Variants in CPED1 observed in about 807,000 individuals in gnomAD.
CPED1 encodes cadherin like and PC-esterase domain containing 1, also known as cadherin-like and PC-esterase domain-containing protein 1.
In CPED1, 114 loss-of-function variants were observed where a neutral mutation model predicts 128.2. The ratio of observed to expected loss-of-function variants is 0.89; its 90% CI spans 0.76 to 1.04. The LOEUF is 1.04. CPED1 is among the 50% of genes least tolerant of loss of function. The pLI is 0.00. For synonymous variants in CPED1, 462 were observed against 426.7 expected (o/e 1.08, Z -1.02); for missense variants, 1,211 against 1,207.1 (o/e 1.00, Z -0.05).
Position 121,103,853 on chromosome 7 carries a change from T to A in CPED1, c.918+3759T>A, listed in dbSNP as rs562223627. On this transcript the variant is annotated intron_variant, in intron 7 of 22. Coordinates refer to ENST00000310396, the MANE Select transcript of CPED1 (RefSeq NM_024913.5). ...AAGAAGGTATGAAGGCAATAACAGA[T>A]ATAACTATGAGCTCATTTATTTCCA... is the stretch of plus-strand genomic sequence containing the variant. Among the ~76,000 whole-genome samples, 5 of 152,214 alleles carry A rather than the reference T, an allele frequency of 3.3e-5. No homozygotes were observed. In the East Asian group the frequency reaches 9.6e-4, roughly 29 times the overall value.
intron 18 of CPED1, among the ~76,000 whole-genome samples, chr7:121,250,633 G>A (rs550260846): frequency 6.6e-6 from 1 of 152,258 alleles, no homozygotes; most frequent in South Asian, 2.1e-4. Flanking sequence ...TGACAAACGG[G>A]ATATCACCAT....
intron 16 of CPED1, among the ~76,000 whole-genome samples, chr7:121,147,237 T>TTTCTG (rs1288992101): frequency 1.3e-5 from 2 of 152,150 alleles, no homozygotes; most frequent in Non-Finnish European, 2.9e-5. Flanking sequence ...TTTTAAATCA[T>TTTCTG]TTCTGTAGAC....
At chr7:121,034,155 A>T (rs1481305040) in intron 3 of CPED1, among the ~76,000 whole-genome samples, 1 of 152,184 alleles carries the variant, frequency 6.6e-6, no homozygotes, top group Non-Finnish European at 1.5e-5. Flanking sequence ...CTCAAGTAAT[A>T]CAAGTAATAA....
At chr7:121,017,256 TG>T (rs922901366) in intron 3 of CPED1, among the ~76,000 whole-genome samples, 1 of 152,138 alleles carries the variant, frequency 6.6e-6, no homozygotes, top group Non-Finnish European at 1.5e-5. Flanking sequence ...ACTGAGCTTC[TG>T]GGAGCAAATG....
rs2116595945 is a variant in CPED1, at chr7:121,211,782, C to T, written c.2056-24932C>T. On this transcript the variant is annotated intron_variant, in intron 16 of 22. Coordinates refer to ENST00000310396, the MANE Select transcript of CPED1 (RefSeq NM_024913.5). Reference sequence around the variant, plus strand: ...GAAATATGTGATCTATAAGAACAGACTTGCCAGACTTGGCCTTGAATAAAA... The same window carrying T: ...GAAATATGTGATCTATAAGAACAGATTTGCCAGACTTGGCCTTGAATAAAA... Among the ~76,000 whole-genome samples the T allele has an allele frequency of 2.0e-5, 3 of 152,104 alleles. No homozygotes were observed. The Middle Eastern group carries it at 0.01, about 517-fold the overall frequency.
rs532453084 is a variant in CPED1 at position 121,214,186 on chromosome 7, G to A, written c.2056-22528G>A. Among the ~76,000 whole-genome samples, 7 of 152,174 alleles carry A rather than the reference G, an allele frequency of 4.6e-5. No homozygotes were observed. In the East Asian group the frequency reaches 7.8e-4, roughly 17 times the overall value. On this transcript the variant is annotated intron_variant, in intron 16 of 22. Coordinates refer to ENST00000310396, the MANE Select transcript of CPED1 (RefSeq NM_024913.5). ...GTATTTCTCTTGCCAACATGATGAG[G>A]ATAGTGTTTGCTGGGTTTCTCCACT...
Position 121,142,024 on chromosome 7 carries a change from T to A in CPED1, c.1938T>A (p.Val646=), listed in dbSNP as rs138199492. 2.3e-3 allele frequency: 3,657 copies of A among 1,612,774 alleles called. 12 individuals are homozygous for A. Among genetic ancestry groups the A allele is most frequent in the Admixed American group, 5.3e-3 (316 of 59,878 alleles). ...GAATGAACAAAATCTCAATATTTGTTGTGGATGAATCTCCAGCACACGGTG... is the reference window on the plus strand; with the variant it reads ...GAATGAACAAAATCTCAATATTTGTAGTGGATGAATCTCCAGCACACGGTG... ...GLGMNKISIF[V]VDESPAHGET... is the part of the protein sequence containing the mutation. Residue 646 remains valine, a synonymous_variant, in exon 16 of 23, where the codon GTT becomes GTA. Coordinates refer to ENST00000310396, the MANE Select transcript of CPED1 (RefSeq NM_024913.5).
chr7:121,210,340 A>G (rs1797615112), intron 16 of CPED1, among the ~76,000 whole-genome samples: 1 of 152,010 alleles, frequency 6.6e-6, no homozygotes, highest in South Asian at 2.1e-4. Flanking sequence ...ATTAGCATAT[A>G]GAAGAGATAG....
intron 16 of CPED1, among the ~76,000 whole-genome samples, chr7:121,159,140 G>A (rs1796355822): frequency 6.6e-6 from 1 of 152,124 alleles, no homozygotes; most frequent in Non-Finnish European, 1.5e-5. Context: ...TGCCCCTAGT[G>A]AGTATGTTGA....
chr7:121,047,028 G>C, intron 4 of CPED1, 35 bp downstream of exon 4: 1 of 1,329,014 alleles, frequency 7.5e-7, no homozygotes. Flanking sequence ...GATTTTATCA[G>C]CCCTACAGAT....
intron 16 of CPED1, among the ~76,000 whole-genome samples, chr7:121,225,828 C>T (rs1797994669): frequency 6.6e-6 from 1 of 152,104 alleles, no homozygotes; most frequent in Non-Finnish European, 1.5e-5. Context: ...TCAGCTCCAT[C>T]AGGTCATTTA....
intron 16 of CPED1, among the ~76,000 whole-genome samples, chr7:121,215,081 G>A (rs555686260): frequency 1.2e-4 from 19 of 152,038 alleles, no homozygotes; most frequent in African/African-American, 3.9e-4. Context: ...GTAGACTGCC[G>A]GGCCCTTTCT....
At chr7:121,098,180 A>AT (rs1000592240) in intron 6 of CPED1, among the ~76,000 whole-genome samples, 28 of 151,892 alleles carry the variant, frequency 1.8e-4, no homozygotes, top group Admixed American at 6.6e-4. Flanking sequence ...GGCTGGATGC[A>AT]TTTTTTTTCT....
At chr7:121,252,743 G>A (rs1343920688) in intron 18 of CPED1, among the ~76,000 whole-genome samples, 6 of 152,094 alleles carry the variant, frequency 3.9e-5, no homozygotes, top group Non-Finnish European at 7.3e-5. Flanking sequence ...TCAGAGAAAT[G>A]CAAATCAAAA....
chr7:120,994,472 A>G (rs996145247), intron 2 of CPED1, among the ~76,000 whole-genome samples: 1 of 152,228 alleles, frequency 6.6e-6, no homozygotes, highest in Non-Finnish European at 1.5e-5. Context: ...TAGGAAACTG[A>G]CAATTACAAG....
At chr7:121,211,513 A>C (rs2116594803) in intron 16 of CPED1, among the ~76,000 whole-genome samples, 1 of 152,266 alleles carries the variant, frequency 6.6e-6, no homozygotes, top group East Asian at 1.9e-4. Flanking sequence ...TCTTTAAAGC[A>C]GTGTTAGCTC....
intron 2 of CPED1, among the ~76,000 whole-genome samples, chr7:121,014,391 A>C (rs1051165407): frequency 3.9e-5 from 6 of 152,052 alleles, no homozygotes; most frequent in African/African-American, 7.2e-5. Context: ...TCTCTACTAA[A>C]AATACAAAAA....
intron 16 of CPED1, among the ~76,000 whole-genome samples, chr7:121,231,682 G>A (rs1460642910): frequency 2.6e-5 from 4 of 151,970 alleles, no homozygotes; most frequent in African/African-American, 9.7e-5. Context: ...AATAAAAAAA[G>A]GAAGATGCGG....
chr7:120,995,857 T>C (rs1345098697), intron 2 of CPED1, among the ~76,000 whole-genome samples: 1 of 152,158 alleles, frequency 6.6e-6, no homozygotes, highest in Non-Finnish European at 1.5e-5. Context: ...TCTTCAGTTT[T>C]TTTTATTCTT....
Sources: gnomAD v4.1 joint callset for allele counts (sites outside exome capture counted in the v4.1 genomes callset) on GRCh38, gnomAD v4.1.1 for gene constraint, MANE v1.5 for transcripts, NCBI Gene and HGNC (gene_info 2026-07-23, HGNC 2026-07-21) for gene names.